Variants in ZNF678 observed in about 807,000 individuals in gnomAD.
ZNF678 encodes the protein hypothetical protein MGC42493.
A neutral mutation model predicts 3.0 loss-of-function variants in ZNF678; 5 were observed. The ratio of observed to expected loss-of-function variants is 1.69; its 90% CI spans 0.88 to 3.56. The LOEUF (loss-of-function observed/expected upper bound fraction) is 3.56, where lower values mean the gene tolerates loss of function less well. ZNF678 is among the 30% of genes most tolerant of loss of function. The pLI, the probability that ZNF678 is intolerant of heterozygous loss-of-function variation, is 0.00. For synonymous variants in ZNF678, 218 were observed against 199.6 expected, an observed-to-expected ratio of 1.09 and a Z score of -0.78; for missense variants, 593 against 605.0, an observed-to-expected ratio of 0.98 and a Z score of 0.21.
intron 1 of ZNF678, among the ~76,000 whole-genome samples, chr1:227,593,701 A>C (rs1657480233): frequency 6.6e-6 from 1 of 152,222 alleles, no homozygotes; most frequent in Non-Finnish European, 1.5e-5. Context: ...GTTAATAACT[A>C]GATGGTCAGC....
chr1:227,613,526 T>A (rs1031140100), intron 1 of ZNF678, among the ~76,000 whole-genome samples: 1 of 152,202 alleles, frequency 6.6e-6, no homozygotes, highest in Non-Finnish European at 1.5e-5. Flanking sequence ...CATTGCTGCC[T>A]CACTAGGTCT....
At chr1:227,663,259 TTTG>T (rs752702002), downstream of ZNF678, among the ~76,000 whole-genome samples, 2 of 152,212 alleles carry the variant, frequency 1.3e-5, no homozygotes, top group Non-Finnish European at 2.9e-5. Flanking sequence ...ACTGTTATAG[TTTG>T]TTAAGACACA....
intron 1 of ZNF678, among the ~76,000 whole-genome samples, chr1:227,595,473 C>T (rs575967530): frequency 1.2e-4 from 18 of 152,100 alleles, no homozygotes; most frequent in Non-Finnish European, 2.2e-4. Context: ...CTAATGCTGG[C>T]CAGTCTGTTT....
intron 3 of ZNF678, 21 bp downstream of exon 3, chr1:227,651,097 G>A: frequency 6.2e-7 from 1 of 1,610,816 alleles, no homozygotes; most frequent in African/African-American, 1.3e-5. Context: ...TATCCTATTG[G>A]GTCTCCAGGC....
At position 227,655,040 on chromosome 1, in the gene ZNF678, C is replaced by T; in HGVS notation, c.790C>T (p.Pro264Ser). Residue 264 changes from proline to serine, a missense_variant, in exon 4 of 4, where the codon CCT (proline) becomes TCT (serine). Coordinates refer to ENST00000343776, the MANE Select transcript of ZNF678 (RefSeq NM_001367909.1). ...QHKRIHTGEKPYKCEECGNVF... is the reference protein window; with the variant it reads ...QHKRIHTGEKSYKCEECGNVF... ...TAAGAGAATTCATACTGGAGAGAAACCTTACAAGTGTGAAGAATGTGGCAA... is the reference window on the plus strand; with the variant it reads ...TAAGAGAATTCATACTGGAGAGAAATCTTACAAGTGTGAAGAATGTGGCAA... 1.9e-6 allele frequency: 3 copies of T among 1,612,190 alleles called. No homozygotes were observed. The highest frequency in any genetic ancestry group is 2.5e-6 in the Non-Finnish European group (3 of 1,179,334).
At chr1:227,651,499 C>T (rs1470961771) in intron 3 of ZNF678, among the ~76,000 whole-genome samples, 1 of 152,136 alleles carries the variant, frequency 6.6e-6, no homozygotes, top group Admixed American at 6.5e-5. Flanking sequence ...GCATCTGACC[C>T]CAGCTCTCTG....
At chr1:227,673,008 C>T (rs1176604528) in intron 5 of ZNF678, among the ~76,000 whole-genome samples, 3 of 152,172 alleles carry the variant, frequency 2.0e-5, no homozygotes, top group Non-Finnish European at 4.4e-5. Flanking sequence ...CTCAACTCTT[C>T]TTCCTGCAAG....
chr1:227,575,650 C>T (rs574527991), intron 1 of ZNF678, among the ~76,000 whole-genome samples: 1 of 152,156 alleles, frequency 6.6e-6, no homozygotes, highest in Non-Finnish European at 1.5e-5. Context: ...TGGGGCGAGA[C>T]CGTGAGATTT....
At chr1:227,636,036 G>T (rs868825623) in intron 1 of ZNF678, among the ~76,000 whole-genome samples, 19 of 152,164 alleles carry the variant, frequency 1.2e-4, no homozygotes, top group African/African-American at 4.6e-4. Flanking sequence ...GGTATCCATC[G>T]TGTCGTTGTA....
At chr1:227,632,186 AG>A (rs1450508443) in intron 1 of ZNF678, among the ~76,000 whole-genome samples, 7 of 152,192 alleles carry the variant, frequency 4.6e-5, no homozygotes, top group Non-Finnish European at 8.8e-5. Context: ...GAGGGACACC[AG>A]GGGAAAGACT....
chr1:227,596,439 G>T (rs1405866554), intron 1 of ZNF678, among the ~76,000 whole-genome samples: 9 of 152,156 alleles, frequency 5.9e-5, no homozygotes, highest in Non-Finnish European at 4.4e-5. Flanking sequence ...AAACAGAACA[G>T]GACAGGGATT....
At chr1:227,642,776 A>T (rs1658854283) in intron 1 of ZNF678, among the ~76,000 whole-genome samples, 1 of 151,280 alleles carries the variant, frequency 6.6e-6, no homozygotes, top group African/African-American at 2.4e-5. Context: ...AGTGGAAGAG[A>T]AATAAGGCAT....
Position 227,656,455 on chromosome 1 carries a change from ATC to A in ZNF678, c.*630_*631del, listed in dbSNP as rs895445286. ...ATATTTTAATATTGATATAATTCAT[ATC>A]TCAAATAACTTGATTTTTATTATAT... On this transcript the variant is annotated 3_prime_UTR_variant, in exon 4 of 4. Transcript: ENST00000343776. 34 of 151,902 alleles carry A rather than the reference ATC, an allele frequency of 2.2e-4. No individual in the cohort carries two copies. The highest frequency in any genetic ancestry group is 7.9e-4 in the African/African-American group (33 of 41,522). 9.4% of individuals were successfully genotyped at this position (151,902 alleles called of 1,614,324 possible).
chr1:227,582,530 T>A, intron 1 of ZNF678: 1 of 180,636 alleles, frequency 5.5e-6, no homozygotes. Flanking sequence ...ATTCTCACTA[T>A]GTTGCCCAGG....
At chr1:227,639,102 G>A (rs1206128579) in intron 1 of ZNF678, among the ~76,000 whole-genome samples, 1 of 152,106 alleles carries the variant, frequency 6.6e-6, no homozygotes, top group Non-Finnish European at 1.5e-5. Context: ...CTTGCTGGGG[G>A]CGGTCCTTGC....
In ZNF678 at chr1:227,580,125, C is replaced by CA. The variant is rs1657088520; in HGVS notation, c.-164+16406dup. Among the ~76,000 whole-genome samples the CA allele has an allele frequency of 3.3e-5, 5 of 152,214 alleles. No homozygotes were observed. The South Asian group carries it at 1.0e-3, about 32-fold the overall frequency. ...TTGTTCTCCTGGAGCTATTGTGGTC[C>CA]AAAAATGAGTCCCGGTGTACAGTAG... On this transcript the variant is annotated intron_variant, in intron 1 of 3. Coordinates refer to ENST00000343776, the MANE Select transcript of ZNF678 (RefSeq NM_001367909.1).
At chr1:227,596,090 C>G (rs1161136520) in intron 1 of ZNF678, among the ~76,000 whole-genome samples, 1 of 152,212 alleles carries the variant, frequency 6.6e-6, no homozygotes, top group Non-Finnish European at 1.5e-5. Flanking sequence ...CTGCCACACA[C>G]TGCTCTGGTG....
chr1:227,655,982 T>A lies in ZNF678; in HGVS notation c.*154T>A, dbSNP rs1659238860. 2 of 547,918 alleles carry A rather than the reference T, an allele frequency of 3.7e-6. No homozygotes were observed. Among genetic ancestry groups the A allele is most frequent in the East Asian group, 6.5e-5 (2 of 30,696 alleles). The allele number at this position is 547,918 out of a possible 1,614,324, so 33.9% of individuals were successfully genotyped here. On this transcript the variant is annotated 3_prime_UTR_variant, in exon 4 of 4. Transcript: ENST00000343776. Reference sequence around the variant, plus strand: ...TATAAATATAAAAGATTACAATATCTTTATTTCAAAGATCTTCCTGTAAAC... The same window carrying A: ...TATAAATATAAAAGATTACAATATCATTATTTCAAAGATCTTCCTGTAAAC...
At chr1:227,649,975 T>C (rs1049667673) in intron 2 of ZNF678, among the ~76,000 whole-genome samples, 2 of 152,222 alleles carry the variant, frequency 1.3e-5, no homozygotes, top group Non-Finnish European at 2.9e-5. Flanking sequence ...TCAGGTTTTC[T>C]TATTTTATTG....
Sources: allele counts gnomAD v4.1 joint callset (sites outside exome capture counted in the v4.1 genomes callset), GRCh38; gene constraint gnomAD v4.1.1; transcripts MANE v1.5; gene names NCBI Gene and HGNC (gene_info 2026-07-23, HGNC 2026-07-21).